VSTM4: variants seen among roughly 807,000 people sequenced by gnomAD.
VSTM4 encodes V-set and transmembrane domain-containing protein 4.
In VSTM4, 20 loss-of-function variants were observed where a neutral mutation model predicts 36.4. The observed-to-expected ratio is 0.55, with a 90% confidence interval of 0.39 to 0.80. The LOEUF (loss-of-function observed/expected upper bound fraction) is 0.80, where lower values mean the gene tolerates loss of function less well. VSTM4 is among the 30% of genes least tolerant of loss of function. The pLI, the probability that VSTM4 is intolerant of heterozygous loss-of-function variation, is 0.00. For synonymous variants in VSTM4, 182 were observed against 173.9 expected, an observed-to-expected ratio of 1.05 and a Z score of -0.37; for missense variants, 392 against 404.5, an observed-to-expected ratio of 0.97 and a Z score of 0.26.
At chr10:49,075,839 G>T (rs900872177) in intron 4 of VSTM4, among the ~76,000 whole-genome samples, 1 of 152,212 alleles carries the variant, frequency 6.6e-6, no homozygotes, top group African/African-American at 2.4e-5. Flanking sequence ...CTTCTGGTGG[G>T]TGGCACCAAG....
At chr10:49,049,339 T>C (rs1843662577) in intron 5 of VSTM4, among the ~76,000 whole-genome samples, 1 of 152,134 alleles carries the variant, frequency 6.6e-6, no homozygotes, top group South Asian at 2.1e-4. Flanking sequence ...GGCTACATGA[T>C]TGCTCTAAGT....
At chr10:49,073,483 G>A (rs189161246) in intron 4 of VSTM4, among the ~76,000 whole-genome samples, 2 of 152,350 alleles carry the variant, frequency 1.3e-5, no homozygotes, top group African/African-American at 2.4e-5. Context: ...GAGCATGGCA[G>A]AAGCAGAATC....
chr10:49,107,765 G>T lies in VSTM4; in HGVS notation c.286C>A (p.Arg96=). 1.9e-6 allele frequency: 3 copies of T among 1,614,260 alleles called. No homozygotes were observed. Among genetic ancestry groups the T allele is most frequent in the Non-Finnish European group, 2.5e-6 (3 of 1,180,054 alleles). ...TCCTCCAGCAGGCGCAGCCTCCGCC[G>T]TTTGGCGCTGCGGCTGAAATTCCCA... is the stretch of plus-strand genomic sequence containing the variant. The part of the protein sequence containing the change: ...YYGNFSRSAK[R]RRLRLLEEQR... Residue 96 remains arginine, a synonymous_variant, in exon 2 of 8, where the codon CGG becomes AGG. Transcript: ENST00000332853.
At chr10:49,109,484 G>A (rs1457867348) in intron 1 of VSTM4, among the ~76,000 whole-genome samples, 1 of 135,054 alleles carries the variant, frequency 7.4e-6, no homozygotes, top group East Asian at 2.1e-4. Context: ...ATGATTTCAG[G>A]ATCATTTTTC....
chr10:49,079,643 G>A (rs1388054737), intron 3 of VSTM4, among the ~76,000 whole-genome samples: 7 of 152,264 alleles, frequency 4.6e-5, no homozygotes, highest in African/African-American at 1.4e-4. Flanking sequence ...TTCTCTTCAA[G>A]AAATAGAGGA....
Position 49,015,704 on chromosome 10 carries a change from C to T in VSTM4, c.*3946G>A, listed in dbSNP as rs949316515. 2 of 152,256 alleles carry T rather than the reference C, an allele frequency of 1.3e-5. No homozygotes were observed. Among genetic ancestry groups the T allele is most frequent in the African/African-American group, 4.8e-5 (2 of 41,454 alleles). The allele number at this position is 152,256 out of a possible 1,614,324, so 9.4% of individuals were successfully genotyped here. On this transcript the variant is annotated 3_prime_UTR_variant, in exon 8 of 8. Transcript: ENST00000332853. ...TTAATGGGCTCCAAATGACACAGAG[C>T]TGGGTCACCTGGGTCTCACTGCAGT...
At chr10:49,037,438 T>G (rs767000251) in intron 7 of VSTM4, among the ~76,000 whole-genome samples, 1 of 152,216 alleles carries the variant, frequency 6.6e-6, no homozygotes, top group Non-Finnish European at 1.5e-5. Context: ...TGGCCCACAA[T>G]TGGAGCAGGG....
At chr10:49,047,406 A>AACCT (rs887032962) in intron 6 of VSTM4, among the ~76,000 whole-genome samples, 15 of 152,098 alleles carry the variant, frequency 9.9e-5, no homozygotes, top group African/African-American at 3.6e-4. Context: ...ATGACTCTTG[A>AACCT]ACCTCACAGC....
intron 7 of VSTM4, among the ~76,000 whole-genome samples, chr10:49,044,798 A>G (rs1041738315): frequency 6.6e-6 from 1 of 152,214 alleles, no homozygotes; most frequent in African/African-American, 2.4e-5. Context: ...GAAATTAGGA[A>G]GAAATGCTAC....
At chr10:49,100,171 A>G (rs1844642765) in intron 2 of VSTM4, among the ~76,000 whole-genome samples, 1 of 152,216 alleles carries the variant, frequency 6.6e-6, no homozygotes, top group Non-Finnish European at 1.5e-5. Flanking sequence ...TTTTAATAAG[A>G]TAACTGACAG....
chr10:49,064,606 T>C (rs1843939198), intron 5 of VSTM4, 97 bp downstream of exon 5: 4 of 1,387,676 alleles, frequency 2.9e-6, no homozygotes, highest in Non-Finnish European at 4.0e-6. Context: ...TGCAGACTTT[T>C]AGGTAAAACT....
At chr10:49,100,190 G>T (rs1420242101) in intron 2 of VSTM4, among the ~76,000 whole-genome samples, 1 of 152,086 alleles carries the variant, frequency 6.6e-6, no homozygotes, top group African/African-American at 2.4e-5. Flanking sequence ...AGTCTCTAAG[G>T]GTAGCTGTAT....
chr10:49,065,825 A>G lies in VSTM4; in HGVS notation c.635-1089T>C, dbSNP rs368978269. ...GGGGTGATCTGTTACGCAGCTTCCA[A>G]AGTAAGATGAGAGAATCTCAGCTTC... On this transcript the variant is annotated intron_variant, in intron 4 of 7. Coordinates refer to ENST00000332853, the MANE Select transcript of VSTM4 (RefSeq NM_001031746.5). Among the ~76,000 whole-genome samples, 4 of 152,262 alleles carry G rather than the reference A, an allele frequency of 2.6e-5. No individual in the cohort carries two copies. The East Asian group carries it at 5.8e-4, about 22-fold the overall frequency.
At chr10:49,113,892 G>A (rs1350766310) in intron 1 of VSTM4, among the ~76,000 whole-genome samples, 2 of 152,142 alleles carry the variant, frequency 1.3e-5, no homozygotes, top group South Asian at 2.1e-4. Context: ...CTGACCATGG[G>A]CACAGCCAGG....
At chr10:49,027,950 T>G (rs1843288470) in intron 7 of VSTM4, among the ~76,000 whole-genome samples, 1 of 151,986 alleles carries the variant, frequency 6.6e-6, no homozygotes. Flanking sequence ...TACCCAGGAG[T>G]GGGTTTGCTA....
intron 3 of VSTM4, among the ~76,000 whole-genome samples, chr10:49,080,329 G>A (rs533923758): frequency 1.3e-5 from 2 of 152,330 alleles, no homozygotes; most frequent in East Asian, 3.9e-4. Context: ...TGGTTAATGA[G>A]AAGAAAGGGG....
chr10:49,051,779 T>C (rs1843702469), intron 5 of VSTM4, among the ~76,000 whole-genome samples: 2 of 152,238 alleles, frequency 1.3e-5, no homozygotes, highest in African/African-American at 4.8e-5. Flanking sequence ...CTGAAAGGCA[T>C]CTCAGCTGCT....
intron 7 of VSTM4, 35 bp downstream of exon 7, chr10:49,046,941 GAGGCTTA>G: frequency 1.3e-6 from 2 of 1,587,032 alleles, no homozygotes; most frequent in Non-Finnish European, 1.7e-6. Context: ...AGTTGTGTCT[GAGGCTTA>G]AGGTATGATA....
At chr10:49,031,891 A>G (rs2466751) in intron 7 of VSTM4, among the ~76,000 whole-genome samples, 102,401 of 151,868 alleles carry the variant, frequency 0.67, 36,431 homozygotes, top group Non-Finnish European at 0.8. Context: ...CACACCCCAT[A>G]TGGCACTGTT....
Sources: allele counts gnomAD v4.1 joint callset (sites outside exome capture counted in the v4.1 genomes callset), GRCh38; gene constraint gnomAD v4.1.1; transcripts MANE v1.5; gene names NCBI Gene and HGNC (gene_info 2026-07-23, HGNC 2026-07-21).